Variants in CUL1 observed in about 807,000 individuals in gnomAD.
CUL1 encodes cullin 1.
Under a neutral mutation model 118.0 loss-of-function variants are expected in CUL1, and 24 were observed. The observed-to-expected ratio is 0.20, with a 90% CI of 0.15 to 0.29. The LOEUF is 0.29. CUL1 is among the 10% of genes least tolerant of loss of function. CUL1 has a pLI of 1.00. For missense variants in CUL1, 361 were observed against 933.8 expected (o/e 0.39, Z 7.99); for synonymous variants, 332 against 340.4 (o/e 0.98, Z 0.27).
Position 148,775,940 on chromosome 7 carries a change from T to C in CUL1, c.1084-7843T>C, listed in dbSNP as rs190475990. Among the ~76,000 whole-genome samples the C allele has an allele frequency of 5.2e-3, 786 of 152,210 alleles. 2 individuals carry two copies. Among genetic ancestry groups the C allele is most frequent in the Non-Finnish European group, 7.4e-3 (504 of 68,014 alleles). On this transcript the variant is annotated intron_variant, in intron 9 of 21. Coordinates refer to ENST00000325222, the MANE Select transcript of CUL1 (RefSeq NM_003592.3). ...GAAGATGGTATCTTCCTATCACTTATGCCTTGGGACAGTACCCAAGAGTGG... is the reference window on the plus strand; with the variant it reads ...GAAGATGGTATCTTCCTATCACTTACGCCTTGGGACAGTACCCAAGAGTGG...
In CUL1 at chr7:148,725,219, G is replaced by GCGCGCACACACACA; in HGVS notation, c.-161-4742_-161-4741insGCGCACACACACAC. On this transcript the variant is annotated intron_variant, in intron 1 of 21. Coordinates refer to ENST00000325222, the MANE Select transcript of CUL1 (RefSeq NM_003592.3). ...CGTGTACACACACACACACGCGCGC[G>GCGCGCACACACACA]CTCACACACACACACACACACACAC... Among the ~76,000 whole-genome samples the GCGCGCACACACACA allele has an allele frequency of 3.8e-3, 534 of 140,128 alleles. 5 individuals are homozygous for GCGCGCACACACACA. Among genetic ancestry groups the GCGCGCACACACACA allele is most frequent in the Admixed American group, 6.4e-3 (91 of 14,190 alleles). 91.9% of individuals were successfully genotyped at this position (140,128 alleles called of 152,430 possible). A position where few individuals can be genotyped will look rare whatever the true frequency, so the allele number is the denominator to read the frequency against.
chr7:148,753,879 T>C (rs765289039), intron 2 of CUL1, 97 bp from the exon 3 acceptor site: 4 of 879,384 alleles, frequency 4.5e-6, no homozygotes, highest in Non-Finnish European at 6.8e-6. Flanking sequence ...GGTTGATATA[T>C]TGGGAATGCA....
intron 1 of CUL1, among the ~76,000 whole-genome samples, chr7:148,711,306 A>C (rs1249151707): frequency 6.6e-6 from 1 of 152,190 alleles, no homozygotes; most frequent in Non-Finnish European, 1.5e-5. Flanking sequence ...TTTTTAGCAA[A>C]TGCAGCATTG....
intron 1 of CUL1, among the ~76,000 whole-genome samples, chr7:148,711,285 C>T (rs78886384): frequency 0.025 from 3,795 of 152,266 alleles, 123 homozygotes; most frequent in African/African-American, 0.076. Flanking sequence ...AGGAAATTTT[C>T]AGCAAGATGC....
Position 148,783,595 on chromosome 7 carries a change from A to T in CUL1, c.1084-188A>T, listed in dbSNP as rs1165315839. ...GAATAGATTGTTTTTTCTTTTATATATATAAACAAAATGTCCTATGTGTTT... is the reference window on the plus strand; with the variant it reads ...GAATAGATTGTTTTTTCTTTTATATTTATAAACAAAATGTCCTATGTGTTT... On this transcript the variant is annotated intron_variant, in intron 9 of 21. Transcript: ENST00000325222. 4.0e-6 allele frequency: 6 copies of T among 1,508,754 alleles called. No individual in the cohort carries two copies. The South Asian group carries it at 7.4e-5, about 19-fold the overall frequency. 93.5% of individuals were successfully genotyped at this position (1,508,754 alleles called of 1,614,324 possible).
At chr7:148,757,448 G>T (rs968975485) in intron 4 of CUL1, among the ~76,000 whole-genome samples, 16 of 152,054 alleles carry the variant, frequency 1.1e-4, no homozygotes, top group African/African-American at 1.7e-4. Flanking sequence ...CTGAGTTTTC[G>T]CACTGAAAGT....
intron 1 of CUL1, among the ~76,000 whole-genome samples, chr7:148,714,254 T>C (rs1051512936): frequency 1.3e-5 from 2 of 152,248 alleles, no homozygotes; most frequent in East Asian, 3.8e-4. Context: ...CATGAAATGA[T>C]TAAATCAAGT....
intron 16 of CUL1, among the ~76,000 whole-genome samples, chr7:148,792,486 A>C (rs1297144631): frequency 6.6e-6 from 1 of 152,246 alleles, no homozygotes; most frequent in Non-Finnish European, 1.5e-5. Flanking sequence ...TTTTTAAAAA[A>C]AACCCTCAAA....
chr7:148,699,009 T>TG lies in CUL1; in HGVS notation c.-178dup, dbSNP rs1258210087. 6.5e-6 allele frequency: 1 copy of TG among 152,850 alleles called. No homozygotes were observed. Among genetic ancestry groups the TG allele is most frequent in the Non-Finnish European group, 1.4e-5 (1 of 69,086 alleles). The allele number at this position is 152,850 out of a possible 1,614,324, so 9.5% of individuals were successfully genotyped here. ...CAGGCGGAGGCGTCGCGGGAGCCTT[T>TG]GGGGCACCACAGAGATGCGGGTGAG... On this transcript the variant is annotated 5_prime_UTR_variant, in exon 1 of 22. Coordinates refer to ENST00000325222, the MANE Select transcript of CUL1 (RefSeq NM_003592.3).
At chr7:148,722,503 C>T (rs966096635) in intron 1 of CUL1, among the ~76,000 whole-genome samples, 1 of 152,240 alleles carries the variant, frequency 6.6e-6, no homozygotes, top group South Asian at 2.1e-4. Context: ...CTGTCCCCCG[C>T]CATCCTGCAG....
At chr7:148,704,165 C>G (rs573087485) in intron 1 of CUL1, among the ~76,000 whole-genome samples, 8 of 141,518 alleles carry the variant, frequency 5.7e-5, no homozygotes, top group Non-Finnish European at 1.1e-4. Context: ...GGCCCCCCCC[C>G]ACCCCCGTGG....
At chr7:148,724,378 G>T (rs1798491602) in intron 1 of CUL1, among the ~76,000 whole-genome samples, 1 of 152,090 alleles carries the variant, frequency 6.6e-6, no homozygotes, top group Non-Finnish European at 1.5e-5. Flanking sequence ...TGTTTATTTT[G>T]ACTGTTGTGT....
At position 148,716,619 on chromosome 7, in the gene CUL1, A is replaced by G. The variant is rs78251981; in HGVS notation, c.-161-13343A>G. ...TATTAGTGTTCAGTTTAGCCTCCCA[A>G]TTTTTCTTCTTGAAAAGAAAAATGT... On this transcript the variant is annotated intron_variant, in intron 1 of 21. Transcript: ENST00000325222. 4.6e-5 allele frequency among the ~76,000 whole-genome samples: 7 copies of G among 151,624 alleles called. No homozygotes were observed. In the East Asian group the frequency reaches 1.2e-3, roughly 25 times the overall value.
chr7:148,706,433 AT>A (rs1797885505), intron 1 of CUL1, among the ~76,000 whole-genome samples: 2 of 152,116 alleles, frequency 1.3e-5, no homozygotes, highest in South Asian at 4.2e-4. Context: ...GCATGGGAAT[AT>A]ATTACATCAA....
chr7:148,778,643 CTG>C (rs971324172), intron 9 of CUL1, among the ~76,000 whole-genome samples: 2 of 152,200 alleles, frequency 1.3e-5, no homozygotes, highest in African/African-American at 4.8e-5. Context: ...AGAGGTAAGA[CTG>C]TGGACAGTGT....
intron 3 of CUL1, 96 bp downstream of exon 3, chr7:148,754,246 T>G: frequency 1.2e-6 from 1 of 846,262 alleles, no homozygotes; most frequent in Non-Finnish European, 1.8e-6. Context: ...TGTCATCTGT[T>G]ACTGTTTTAG....
intron 9 of CUL1, among the ~76,000 whole-genome samples, chr7:148,770,727 G>A (rs775180297): frequency 2.0e-5 from 3 of 152,172 alleles, no homozygotes; most frequent in Non-Finnish European, 2.9e-5. Flanking sequence ...GTGGGTGCCC[G>A]GGCCATAGCC....
chr7:148,740,998 G>A (rs993535821), intron 2 of CUL1, among the ~76,000 whole-genome samples: 5 of 152,210 alleles, frequency 3.3e-5, no homozygotes, highest in African/African-American at 9.6e-5. Context: ...AGCCTAAGCC[G>A]ACTAATACAT....
chr7:148,718,040 C>G lies in CUL1; in HGVS notation c.-161-11922C>G, dbSNP rs976585603. 1.4e-4 allele frequency among the ~76,000 whole-genome samples: 21 copies of G among 152,144 alleles called. 1 individual carries two copies. Among genetic ancestry groups the G allele is most frequent in the African/African-American group, 3.9e-4 (16 of 41,438 alleles). The stretch of plus-strand genomic sequence containing the variant: ...ATGTCTTACATAGCATTTCTTAAAG[C>G]TAACTTTCTGGTAGAATACTCAGTA... On this transcript the variant is annotated intron_variant, in intron 1 of 21. Transcript: ENST00000325222.
Sources: allele counts gnomAD v4.1 joint callset (sites outside exome capture counted in the v4.1 genomes callset), GRCh38; gene constraint gnomAD v4.1.1; transcripts MANE v1.5; gene names NCBI Gene and HGNC (gene_info 2026-07-23, HGNC 2026-07-21).